The following GNA12 variants were observed in gnomAD, a reference collection of about 807,000 sequenced individuals.
GNA12 encodes the protein guanine nucleotide-binding protein subunit alpha-12.
Under a neutral mutation model 26.0 loss-of-function variants are expected in GNA12, and 9 were observed. The ratio of observed to expected loss-of-function variants is 0.35; its 90% CI spans 0.21 to 0.60. GNA12 has a LOEUF of 0.60. GNA12 is among the 20% of genes least tolerant of loss of function. The pLI is 0.78. For synonymous variants in GNA12, 264 were observed against 219.6 expected (o/e 1.20, Z -1.79); for missense variants, 405 against 525.8 (o/e 0.77, Z 2.25).
intron 2 of GNA12, among the ~76,000 whole-genome samples, chr7:2,739,875 G>C (rs550546648): frequency 2.0e-5 from 3 of 152,120 alleles, no homozygotes; most frequent in African/African-American, 7.2e-5. Context: ...GTTTCACCGT[G>C]TTGGCCAGGC....
intron 2 of GNA12, among the ~76,000 whole-genome samples, chr7:2,765,870 C>G (rs1791785037): frequency 7.1e-6 from 1 of 140,408 alleles, no homozygotes; most frequent in Non-Finnish European, 1.6e-5. Context: ...ACCTCGTGAT[C>G]CAGGGCCCCC....
chr7:2,791,653 A>C (rs1792522019), intron 2 of GNA12, among the ~76,000 whole-genome samples: 1 of 152,046 alleles, frequency 6.6e-6, no homozygotes, highest in African/African-American at 2.4e-5. Flanking sequence ...GCAAAAAACA[A>C]GGTGATGAAG....
At chr7:2,780,051 CATATATATATATATATATATATATATAT>C (rs3996399) in intron 2 of GNA12, among the ~76,000 whole-genome samples, 16 of 62,212 alleles carry the variant, frequency 2.6e-4, no homozygotes, top group South Asian at 2.0e-3. Flanking sequence ...TTTCTGTGTA[CATATATATATATATATATATATATATAT>C]ATATATATAT....
chr7:2,763,035 C>T (rs1791642305), intron 2 of GNA12: 3 of 1,254,072 alleles, frequency 2.4e-6, no homozygotes. Flanking sequence ...GCCCAGGACT[C>T]AGCGTGCCGT....
intron 2 of GNA12, among the ~76,000 whole-genome samples, chr7:2,739,616 G>C (rs1790397819): frequency 6.6e-6 from 1 of 152,152 alleles, no homozygotes; most frequent in Non-Finnish European, 1.5e-5. Flanking sequence ...GTTTTTGCTT[G>C]AATATCTGTT....
At chr7:2,815,849 C>T (rs563515772) in intron 1 of GNA12, among the ~76,000 whole-genome samples, 1 of 151,328 alleles carries the variant, frequency 6.6e-6, no homozygotes, top group African/African-American at 2.4e-5. Flanking sequence ...CCCATCACTC[C>T]TCTGCTCCTC....
At chr7:2,766,796 T>C (rs208344) in intron 2 of GNA12, among the ~76,000 whole-genome samples, 145,943 of 152,338 alleles carry the variant, frequency 0.96, 69,971 homozygotes, top group East Asian at 1. Flanking sequence ...GGAGGCACTA[T>C]TGGATTGCAT....
intron 1 of GNA12, among the ~76,000 whole-genome samples, chr7:2,843,641 C>G (rs1779070903): frequency 6.7e-6 from 1 of 149,720 alleles, no homozygotes; most frequent in African/African-American, 2.5e-5. Context: ...AGCGAGACCC[C>G]ATCTCAAAAA....
intron 2 of GNA12, among the ~76,000 whole-genome samples, chr7:2,747,351 G>A (rs1468338398): frequency 1.3e-5 from 2 of 152,234 alleles, no homozygotes; most frequent in Non-Finnish European, 2.9e-5. Context: ...TCCCTGGGAT[G>A]CAAGGCTGGT....
At chr7:2,787,264 T>A (rs1286660271) in intron 2 of GNA12, among the ~76,000 whole-genome samples, 1 of 152,114 alleles carries the variant, frequency 6.6e-6, no homozygotes, top group Admixed American at 6.5e-5. Flanking sequence ...CTACATTACT[T>A]CAAGAGCCTC....
chr7:2,828,260 C>T (rs1428439706), intron 1 of GNA12, among the ~76,000 whole-genome samples: 1 of 152,232 alleles, frequency 6.6e-6, no homozygotes, highest in Non-Finnish European at 1.5e-5. Context: ...ATAATCACTA[C>T]TGGACAGCTA....
At position 2,758,585 on chromosome 7, in the gene GNA12, C is replaced by T. The variant is rs1373299759; in HGVS notation, c.526-25084G>A. Among the ~76,000 whole-genome samples, 5 of 152,170 alleles carry T rather than the reference C, an allele frequency of 3.3e-5. No homozygotes were observed. In the East Asian group the frequency reaches 9.6e-4, roughly 29 times the overall value. The stretch of plus-strand genomic sequence containing the variant: ...GCCAAAGGGAGGTGATCTTGGTGGG[C>T]CTGATCTAATCAGGGGAGCCTTTCA... On this transcript the variant is annotated intron_variant, in intron 2 of 3. Transcript: ENST00000275364.
chr7:2,766,801 T>C (rs990593926), intron 2 of GNA12, among the ~76,000 whole-genome samples: 50 of 152,218 alleles, frequency 3.3e-4, no homozygotes, highest in African/African-American at 1.2e-3. Context: ...CACTATTGGA[T>C]TGCATCTGGG....
intron 1 of GNA12, among the ~76,000 whole-genome samples, chr7:2,818,243 G>A: frequency 6.6e-6 from 1 of 152,136 alleles, no homozygotes; most frequent in East Asian, 1.9e-4. Flanking sequence ...CATCAGTACT[G>A]ACATCTGGGG....
chr7:2,748,437 T>C (rs1338329482), intron 2 of GNA12, among the ~76,000 whole-genome samples: 1 of 152,124 alleles, frequency 6.6e-6, no homozygotes, highest in Non-Finnish European at 1.5e-5. Flanking sequence ...TAAATGGTGC[T>C]GGGAAAACTG....
At chr7:2,802,962 A>G (rs1484120125) in intron 1 of GNA12, among the ~76,000 whole-genome samples, 1 of 152,068 alleles carries the variant, frequency 6.6e-6, no homozygotes, top group East Asian at 1.9e-4. Flanking sequence ...AACTCCGCGG[A>G]TTTGCCTTCC....
intron 1 of GNA12, among the ~76,000 whole-genome samples, chr7:2,831,174 T>G (rs1012503725): frequency 6.6e-6 from 1 of 151,770 alleles, no homozygotes; most frequent in African/African-American, 2.4e-5. Flanking sequence ...AAAAACAGTC[T>G]CATTGTGCTA....
chr7:2,808,667 C>T (rs557237115), intron 1 of GNA12, among the ~76,000 whole-genome samples: 2 of 152,354 alleles, frequency 1.3e-5, no homozygotes, highest in South Asian at 2.1e-4. Context: ...TTCCCTACTT[C>T]CTGCTGCTCC....
chr7:2,742,505 G>C (rs1264334318), intron 2 of GNA12, among the ~76,000 whole-genome samples: 5 of 152,142 alleles, frequency 3.3e-5, no homozygotes, highest in Admixed American at 6.5e-5. Flanking sequence ...TGTCCACATG[G>C]ACTCACAGAC....
Sources: gnomAD v4.1 joint callset for allele counts (sites outside exome capture counted in the v4.1 genomes callset) on GRCh38, gnomAD v4.1.1 for gene constraint, MANE v1.5 for transcripts, NCBI Gene and HGNC (gene_info 2026-07-23, HGNC 2026-07-21) for gene names.